The following SLC36A2 variants were observed in gnomAD, a reference collection of about 807,000 sequenced individuals.
The protein encoded by SLC36A2 is proton-coupled amino acid transporter 2.
SLC36A2 carries 39 observed loss-of-function variants against 42.7 expected under a neutral mutation model. The ratio of observed to expected loss-of-function variants is 0.91; its 90% CI spans 0.71 to 1.19. The LOEUF is 1.19. Ranked by LOEUF, SLC36A2 falls within the 50% of genes most tolerant of loss-of-function variation. The pLI is 0.00. For synonymous variants in SLC36A2, 237 were observed against 240.8 expected (o/e 0.98, Z 0.15); for missense variants, 590 against 613.7 (o/e 0.96, Z 0.41).
At chr5:151,321,908 C>G in intron 9 of SLC36A2, 138 bp downstream of exon 9, 1 of 1,042,534 alleles carries the variant, frequency 9.6e-7, no homozygotes, top group Non-Finnish European at 1.5e-6. Context: ...AAACTCCTGA[C>G]CTCAGGTGAT....
At position 151,316,111 on chromosome 5, in the gene SLC36A2, A is replaced by G. The variant is rs1755483498; in HGVS notation, c.*706T>C. 1 of 152,330 alleles carries G rather than the reference A, an allele frequency of 6.6e-6. No homozygotes were observed. Among genetic ancestry groups the G allele is most frequent in the East Asian group, 1.9e-4 (1 of 5,192 alleles). The allele number at this position is 152,330 out of a possible 1,614,324, so 9.4% of individuals were successfully genotyped here. On this transcript the variant is annotated 3_prime_UTR_variant, in exon 10 of 10. Coordinates refer to ENST00000335244, the MANE Select transcript of SLC36A2 (RefSeq NM_181776.3). ...ATGTTTGCTTTTTGAACAGACCCAG[A>G]AAAGGGAAAACCGGTTGTCTGCCAA... is the stretch of plus-strand genomic sequence containing the variant.
rs431240 is a variant in SLC36A2, at chr5:151,316,979, C to T, written c.1290G>A (p.Thr430=). The change falls in exon 10 of 10, where the codon ACG becomes ACA. Residue 430 remains threonine (T), a synonymous_variant. Coordinates refer to ENST00000335244, the MANE Select transcript of SLC36A2 (RefSeq NM_181776.3). ...LIIPPLLEVT[T]FYSEGMSPLT... is the part of the protein sequence containing the mutation. The stretch of plus-strand genomic sequence containing the variant: ...GGGGGCTCATGCCCTCTGAGTAGAA[C>T]GTGGTGACCTCCAGGAGCGGTGGGA... The T allele has an allele frequency of 0.56, 904,993 of 1,613,262 alleles. 259,998 individuals are homozygous for T. The highest frequency in any genetic ancestry group is 0.88 in the East Asian group (39,542 of 44,822).
intron 7 of SLC36A2, among the ~76,000 whole-genome samples, chr5:151,330,717 T>C (rs1271254438): frequency 6.6e-6 from 1 of 152,200 alleles, no homozygotes; most frequent in Non-Finnish European, 1.5e-5. Context: ...GATGATAACA[T>C]TGTTGGTGTT....
At chr5:151,318,097 C>G (rs1276197019) in intron 9 of SLC36A2, among the ~76,000 whole-genome samples, 1 of 152,160 alleles carries the variant, frequency 6.6e-6, no homozygotes, top group Non-Finnish European at 1.5e-5. Flanking sequence ...TTTATGGCAG[C>G]TATATTTGTC....
chr5:151,320,998 C>G (rs430961), intron 9 of SLC36A2, among the ~76,000 whole-genome samples: 46,279 of 151,940 alleles, frequency 0.3, 8,778 homozygotes, highest in Admixed American at 0.49. Flanking sequence ...CCTCAGTTTT[C>G]TCTTTCATAA....
intron 8 of SLC36A2, among the ~76,000 whole-genome samples, chr5:151,324,014 G>A (rs396212): frequency 0.65 from 98,173 of 152,122 alleles, 32,389 homozygotes; most frequent in East Asian, 0.85. Flanking sequence ...ATCCCGCACA[G>A]TGGGATGTGG....
chr5:151,315,329 T>C lies in SLC36A2; in HGVS notation c.*1488A>G, dbSNP rs1277792626. 6.6e-6 allele frequency: 1 copy of C among 152,520 alleles called. No individual in the cohort carries two copies. The highest frequency in any genetic ancestry group is 2.4e-5 in the African/African-American group (1 of 41,438). The allele number at this position is 152,520 out of a possible 1,614,324, so 9.4% of individuals were successfully genotyped here. A position where few individuals can be genotyped will look rare whatever the true frequency, so the allele number is the denominator to read the frequency against. On this transcript the variant is annotated 3_prime_UTR_variant, in exon 10 of 10. Transcript: ENST00000335244. ...GCCAAAGCAAGTTACAAGGCCAAGATCAAATTTAAAGGGGAGAGGCTGGGC... is the reference window on the plus strand; with the variant it reads ...GCCAAAGCAAGTTACAAGGCCAAGACCAAATTTAAAGGGGAGAGGCTGGGC...
chr5:151,336,876 G>C (rs1237694534), intron 5 of SLC36A2, among the ~76,000 whole-genome samples: 2 of 152,134 alleles, frequency 1.3e-5, no homozygotes, highest in Non-Finnish European at 2.9e-5. Context: ...GATAATCTCA[G>C]TATCAAGATG....
rs1220974439 is a variant in SLC36A2 at position 151,327,795 on chromosome 5, A to T, written c.844-2343T>A. Reference sequence around the variant, plus strand: ...CCACAATCAGTCAGTCAAAGAGATAAATGGCTGTTGACGTACAGTGGGAAG... The same window carrying T: ...CCACAATCAGTCAGTCAAAGAGATATATGGCTGTTGACGTACAGTGGGAAG... On this transcript the variant is annotated intron_variant, in intron 7 of 9. Coordinates refer to ENST00000335244, the MANE Select transcript of SLC36A2 (RefSeq NM_181776.3). 2.0e-5 allele frequency among the ~76,000 whole-genome samples: 3 copies of T among 151,992 alleles called. No individual in the cohort carries two copies. The South Asian group carries it at 6.2e-4, about 31-fold the overall frequency.
At chr5:151,330,075 C>G (rs1295778785) in intron 7 of SLC36A2, among the ~76,000 whole-genome samples, 2 of 151,764 alleles carry the variant, frequency 1.3e-5, no homozygotes, top group Non-Finnish European at 2.9e-5. Context: ...TAAGCGATGA[C>G]TATATATCAA....
chr5:151,329,733 A>G (rs1755945579), intron 7 of SLC36A2, among the ~76,000 whole-genome samples: 2 of 152,386 alleles, frequency 1.3e-5, no homozygotes, highest in South Asian at 4.1e-4. Context: ...ATAAACAGGA[A>G]TGACAAAATC....
intron 1 of SLC36A2, among the ~76,000 whole-genome samples, chr5:151,345,631 C>T (rs1171845388): frequency 2.0e-5 from 3 of 152,160 alleles, no homozygotes; most frequent in Admixed American, 6.5e-5. Flanking sequence ...ACACCCTACT[C>T]GCCAGGCTAG....
chr5:151,315,364 C>T lies in SLC36A2; in HGVS notation c.*1453G>A, dbSNP rs1403742679. 1.3e-5 allele frequency: 2 copies of T among 152,352 alleles called. No individual in the cohort carries two copies. Among genetic ancestry groups the T allele is most frequent in the African/African-American group, 2.4e-5 (1 of 41,464 alleles). 9.4% of individuals were successfully genotyped at this position (152,352 alleles called of 1,614,324 possible). A position where few individuals can be genotyped will look rare whatever the true frequency, so the allele number is the denominator to read the frequency against. ...AGGGGAGAGGCTGGGCGTGGTGGCT[C>T]ACACTTGTAATCTCAGCACTTTGGG... On this transcript the variant is annotated 3_prime_UTR_variant, in exon 10 of 10. Transcript: ENST00000335244.
rs780749680 is a variant in SLC36A2, at chr5:151,335,479, G to A, written c.594C>T (p.Thr198=). The change falls in exon 6 of 10, where the codon ACC becomes ACT. Residue 198 remains threonine (T), a synonymous_variant. Coordinates refer to ENST00000335244, the MANE Select transcript of SLC36A2 (RefSeq NM_181776.3). The part of the protein sequence containing the change: ...YSNETVILTP[T]MDSRLYMLSF... ...AGAGCATGTAGAGTCGCGAGTCCAT[G>A]GTGGGGGTCAGAATCACCGTCTCAT... 2 of 1,614,012 alleles carry A rather than the reference G, an allele frequency of 1.2e-6. No individual in the cohort carries two copies.
intron 7 of SLC36A2, among the ~76,000 whole-genome samples, chr5:151,325,804 A>G (rs1755837404): frequency 6.6e-6 from 1 of 152,142 alleles, no homozygotes; most frequent in East Asian, 1.9e-4. Flanking sequence ...GCCTGATTCT[A>G]CTTATATGAG....
At chr5:151,335,764 C>G (rs1370245681) in intron 5 of SLC36A2, among the ~76,000 whole-genome samples, 2 of 152,166 alleles carry the variant, frequency 1.3e-5, no homozygotes, top group East Asian at 3.9e-4. Flanking sequence ...TGCAGTGGCT[C>G]ACGCCTGTAA....
At position 151,344,273 on chromosome 5, in the gene SLC36A2, G is replaced by A. The variant is rs1756431616; in HGVS notation, c.165-6C>T. ...GAATCAAGGCCTGGAACACTCTAAA[G>A]GAGAGGAAGGAGATGTGAAGTATGG... On this transcript the variant is annotated splice_polypyrimidine_tract_variant and splice_region_variant and intron_variant, in intron 1 of 9. Coordinates refer to ENST00000335244, the MANE Select transcript of SLC36A2 (RefSeq NM_181776.3). 6.2e-7 allele frequency: 1 copy of A among 1,608,998 alleles called. No homozygotes were observed. Among genetic ancestry groups the A allele is most frequent in the East Asian group, 2.2e-5 (1 of 44,816 alleles).
At chr5:151,334,991 A>C (rs1756108315) in intron 6 of SLC36A2, among the ~76,000 whole-genome samples, 1 of 152,122 alleles carries the variant, frequency 6.6e-6, no homozygotes, top group Admixed American at 6.5e-5. Flanking sequence ...GCTGTAGTAC[A>C]AGAATCTGTT....
At chr5:151,335,849 T>C (rs983579282) in intron 5 of SLC36A2, among the ~76,000 whole-genome samples, 1 of 151,992 alleles carries the variant, frequency 6.6e-6, no homozygotes, top group East Asian at 1.9e-4. Flanking sequence ...GCCAACATCG[T>C]GAAACCCCAT....
Sources: allele counts gnomAD v4.1 joint callset (sites outside exome capture counted in the v4.1 genomes callset), GRCh38; gene constraint gnomAD v4.1.1; transcripts MANE v1.5; gene names NCBI Gene and HGNC (gene_info 2026-07-23, HGNC 2026-07-21).